Variants in YAF2 observed in about 807,000 individuals in gnomAD.
YAF2 encodes YY1 associated factor 2.
Under a neutral mutation model 20.1 loss-of-function variants are expected in YAF2, and 7 were observed. The ratio of observed to expected loss-of-function variants is 0.35; its 90% CI spans 0.20 to 0.65. The LOEUF is 0.65. Ranked by LOEUF, YAF2 falls within the 30% of genes least tolerant of loss-of-function variation. The pLI, the probability that YAF2 is intolerant of heterozygous loss-of-function variation, is 0.69. For missense variants in YAF2, 151 were observed against 219.2 expected (o/e 0.69, Z 1.96); for synonymous variants, 74 against 76.0 (o/e 0.97, Z 0.14).
At chr12:42,228,618 GC>G (rs1320165979) in intron 2 of YAF2, among the ~76,000 whole-genome samples, 2 of 90,232 alleles carry the variant, frequency 2.2e-5, no homozygotes, top group African/African-American at 5.6e-5. Flanking sequence ...GGGGGTGTCA[GC>G]CCCCCGCCCG....
intron 2 of YAF2, among the ~76,000 whole-genome samples, chr12:42,214,540 G>A (rs2067299813): frequency 6.6e-6 from 1 of 151,934 alleles, no homozygotes; most frequent in South Asian, 2.1e-4. Flanking sequence ...CCAAAGTGCT[G>A]GGATTACAGG....
chr12:42,182,702 A>C (rs1313673165), intron 2 of YAF2, among the ~76,000 whole-genome samples: 3 of 152,236 alleles, frequency 2.0e-5, no homozygotes, highest in African/African-American at 7.2e-5. Context: ...TTTTCCACAG[A>C]AAGAAAACAT....
chr12:42,200,276 G>A (rs2066863618), intron 2 of YAF2, among the ~76,000 whole-genome samples: 1 of 152,126 alleles, frequency 6.6e-6, no homozygotes, highest in South Asian at 2.1e-4. Context: ...AAAGTGACAA[G>A]GATAGAGAAA....
At chr12:42,223,985 A>G (rs1033235012) in intron 2 of YAF2, among the ~76,000 whole-genome samples, 1 of 152,140 alleles carries the variant, frequency 6.6e-6, no homozygotes, top group South Asian at 2.1e-4. Flanking sequence ...TGGCACATGT[A>G]TATCTATGTA....
At chr12:42,222,394 C>CA (rs1485968965) in intron 2 of YAF2, among the ~76,000 whole-genome samples, 1 of 152,092 alleles carries the variant, frequency 6.6e-6, no homozygotes, top group Non-Finnish European at 1.5e-5. Context: ...TTATTAAAGA[C>CA]AAATGAGTGA....
intron 2 of YAF2, among the ~76,000 whole-genome samples, chr12:42,177,719 C>CCACTCACT (rs2066232591): frequency 6.6e-6 from 1 of 152,094 alleles, no homozygotes; most frequent in Non-Finnish European, 1.5e-5. Context: ...GTTCCTCTGC[C>CCACTCACT]CACTCACTCC....
intron 2 of YAF2, among the ~76,000 whole-genome samples, chr12:42,229,421 T>TA (rs58885852): frequency 0.54 from 77,645 of 143,028 alleles, 20,791 homozygotes; most frequent in South Asian, 0.7. Flanking sequence ...AAAAATAAAT[T>TA]AAAAAAAAAA....
intron 2 of YAF2, chr12:42,235,601 G>A: frequency 4.8e-6 from 7 of 1,462,838 alleles, no homozygotes; most frequent in Non-Finnish European, 6.3e-6. Flanking sequence ...GGGTCGTGGT[G>A]TAGAACACTT....
chr12:42,238,166 C>T lies in YAF2; in HGVS notation c.15G>A (p.Lys5=), dbSNP rs769091113. The T allele has an allele frequency of 7.8e-6, 12 of 1,544,872 alleles. No homozygotes were observed. In the South Asian group the frequency reaches 1.2e-4, roughly 15 times the overall value. MGDK[K]SPTRPKRQPK... The stretch of plus-strand genomic sequence containing the variant: ...CCGGGCGCTGTTACCTGGTGGGGCT[C>T]TTCTTGTCTCCCATGGCTTGGCTAT... The change falls in exon 1 of 4, where the codon AAG becomes AAA. Residue 5 remains lysine (K), a synonymous_variant. Coordinates refer to ENST00000534854, the MANE Select transcript of YAF2 (RefSeq NM_005748.6).
chr12:42,232,548 A>T, intron 2 of YAF2: 2 of 985,444 alleles, frequency 2.0e-6, no homozygotes, highest in Non-Finnish European at 2.4e-6. Context: ...GTCTCTGAAC[A>T]ACTAAATGGT....
In YAF2 at chr12:42,197,112, A is replaced by G. The variant is rs192884716; in HGVS notation, c.153-35347T>C. Among the ~76,000 whole-genome samples the G allele has an allele frequency of 2.4e-4, 36 of 152,362 alleles. 1 individual carries two copies. The highest frequency in any genetic ancestry group is 6.2e-4 in the South Asian group (3 of 4,826). On this transcript the variant is annotated intron_variant, in intron 2 of 3. Transcript: ENST00000534854. Reference sequence around the variant, plus strand: ...GAAAATTAGTGTCATGACAACAGATAGAACAAACTAGAGCGCAGAAAATAC... The same window carrying G: ...GAAAATTAGTGTCATGACAACAGATGGAACAAACTAGAGCGCAGAAAATAC...
intron 3 of YAF2, 180 bp from the exon 4 acceptor site, chr12:42,161,006 A>C: frequency 3.5e-6 from 2 of 578,696 alleles, no homozygotes; most frequent in Non-Finnish European, 6.0e-6. Context: ...AATCAAACCA[A>C]TCATTCATGA....
chr12:42,204,467 C>G (rs1367535291), intron 2 of YAF2, among the ~76,000 whole-genome samples: 2 of 152,070 alleles, frequency 1.3e-5, no homozygotes, highest in African/African-American at 2.4e-5. Flanking sequence ...TTACATAGCA[C>G]TTGGGTTATA....
At chr12:42,229,003 GA>G (rs1165816320) in intron 2 of YAF2, among the ~76,000 whole-genome samples, 1 of 53,448 alleles carries the variant, frequency 1.9e-5, no homozygotes, top group African/African-American at 1.4e-4. Flanking sequence ...TGAGAAATCG[GA>G]TGGTTGCCGT....
chr12:42,171,385 G>A (rs908715682), intron 2 of YAF2, among the ~76,000 whole-genome samples: 1 of 152,074 alleles, frequency 6.6e-6, no homozygotes, highest in Non-Finnish European at 1.5e-5. Context: ...TCACTCAGGA[G>A]GCTGAGGCAG....
chr12:42,226,747 T>C (rs1050065325), intron 2 of YAF2, among the ~76,000 whole-genome samples: 2 of 152,186 alleles, frequency 1.3e-5, no homozygotes, highest in Non-Finnish European at 2.9e-5. Flanking sequence ...TTTACAAACA[T>C]AGTGTTCAAA....
intron 2 of YAF2, among the ~76,000 whole-genome samples, chr12:42,208,469 T>G (rs569460549): frequency 6.6e-6 from 1 of 152,166 alleles, no homozygotes; most frequent in Admixed American, 6.5e-5. Flanking sequence ...TAAATTAAAA[T>G]TTAAAAATAG....
intron 2 of YAF2, among the ~76,000 whole-genome samples, chr12:42,165,032 G>A (rs540979351): frequency 5.3e-5 from 8 of 150,138 alleles, no homozygotes; most frequent in African/African-American, 2.0e-4. Context: ...TCCACCCTGG[G>A]TGACAGAGTG....
intron 2 of YAF2, among the ~76,000 whole-genome samples, chr12:42,229,039 G>A (rs1341678779): frequency 2.2e-5 from 1 of 45,076 alleles, no homozygotes; most frequent in Admixed American, 2.1e-4. Context: ...AAGTAGACAT[G>A]GGAGACTTTT....
Sources: allele counts gnomAD v4.1 joint callset (sites outside exome capture counted in the v4.1 genomes callset), GRCh38; gene constraint gnomAD v4.1.1; transcripts MANE v1.5; gene names NCBI Gene and HGNC (gene_info 2026-07-23, HGNC 2026-07-21).